LCORL: variants seen among roughly 807,000 people sequenced by gnomAD.
LCORL encodes the protein ligand-dependent nuclear receptor corepressor-like protein.
In LCORL, 41 loss-of-function variants were observed where a neutral mutation model predicts 141.8. The ratio of observed to expected loss-of-function variants is 0.29; its 90% CI spans 0.23 to 0.38. The LOEUF is 0.38. LCORL is among the 10% of genes least tolerant of loss of function. The probability of loss-of-function intolerance (pLI) is 1.00; values close to 1 mark genes in which losing one functional copy is unlikely to be tolerated. For missense variants in LCORL, 1,759 were observed against 2,035.0 expected, an observed-to-expected ratio of 0.86 and a Z score of 2.61; for synonymous variants, 618 against 694.1, an observed-to-expected ratio of 0.89 and a Z score of 1.72.
chr4:17,881,354 G>T (rs983492030), intron 6 of LCORL: 1 of 981,588 alleles, frequency 1.0e-6, no homozygotes, highest in Non-Finnish European at 1.2e-6. Context: ...AATCACTGGG[G>T]AGAAGGGGAA....
intron 7 of LCORL, among the ~76,000 whole-genome samples, chr4:17,857,292 G>A (rs1013371650): frequency 6.6e-6 from 1 of 152,040 alleles, no homozygotes; most frequent in Non-Finnish European, 1.5e-5. Context: ...GAGAGAAGGA[G>A]ACAGACAGAT....
intron 7 of LCORL, among the ~76,000 whole-genome samples, chr4:17,851,266 C>G (rs1478427931): frequency 1.3e-5 from 2 of 151,718 alleles, no homozygotes; most frequent in African/African-American, 4.8e-5. Flanking sequence ...TACCCTAAAA[C>G]TTAAAGTATA....
At chr4:17,880,109 T>C (rs1215098432) in intron 6 of LCORL, among the ~76,000 whole-genome samples, 6 of 151,034 alleles carry the variant, frequency 4.0e-5, no homozygotes, top group Non-Finnish European at 7.4e-5. Context: ...AATACTATGG[T>C]AGCCAGTAAT....
chr4:18,009,701 C>T (rs1450169926), intron 1 of LCORL, among the ~76,000 whole-genome samples: 1 of 152,072 alleles, frequency 6.6e-6, no homozygotes, highest in Non-Finnish European at 1.5e-5. Flanking sequence ...TAGATGTCCT[C>T]CTTGCTGGGA....
intron 7 of LCORL, among the ~76,000 whole-genome samples, chr4:17,857,022 C>A (rs1724439144): frequency 6.6e-6 from 1 of 152,212 alleles, no homozygotes. Context: ...GTACTCGGCA[C>A]ATAGAAACTG....
intron 7 of LCORL, among the ~76,000 whole-genome samples, chr4:17,865,323 A>G (rs1725514393): frequency 6.6e-6 from 1 of 152,206 alleles, no homozygotes; most frequent in African/African-American, 2.4e-5. Flanking sequence ...AGAAATCAGT[A>G]CCAGAAATAT....
At chr4:17,996,651 CTG>C (rs1720962778) in intron 1 of LCORL, among the ~76,000 whole-genome samples, 2 of 152,044 alleles carry the variant, frequency 1.3e-5, no homozygotes, top group Admixed American at 6.5e-5. Flanking sequence ...CTATATTCCT[CTG>C]TAAAATTTCC....
intron 1 of LCORL, among the ~76,000 whole-genome samples, chr4:17,992,928 G>A (rs1720274377): frequency 1.3e-5 from 2 of 152,190 alleles, no homozygotes; most frequent in South Asian, 4.1e-4. Flanking sequence ...ACAACACACA[G>A]ACTTTAGGGT....
intron 4 of LCORL, among the ~76,000 whole-genome samples, chr4:17,953,559 C>G (rs1711905383): frequency 6.6e-6 from 1 of 152,144 alleles, no homozygotes; most frequent in Admixed American, 6.5e-5. Flanking sequence ...AGAATATTAG[C>G]ACTTACTTGT....
At chr4:17,900,148 G>A (rs1469916080) in intron 5 of LCORL, among the ~76,000 whole-genome samples, 2 of 151,738 alleles carry the variant, frequency 1.3e-5, no homozygotes, top group African/African-American at 2.4e-5. Context: ...ATTTTAGATA[G>A]CATTTATGGA....
chr4:17,930,410 G>C (rs542411825), intron 4 of LCORL, among the ~76,000 whole-genome samples: 3 of 152,318 alleles, frequency 2.0e-5, no homozygotes, highest in African/African-American at 7.2e-5. Flanking sequence ...GTGTTAAATA[G>C]TAGAAGAGAC....
chr4:17,853,836 G>C (rs1724047004), intron 7 of LCORL, among the ~76,000 whole-genome samples: 1 of 152,014 alleles, frequency 6.6e-6, no homozygotes, highest in South Asian at 2.1e-4. Context: ...CTTCATGAAG[G>C]TCACTTATCC....
intron 4 of LCORL, among the ~76,000 whole-genome samples, chr4:17,955,448 G>A (rs1712408329): frequency 6.6e-6 from 1 of 152,146 alleles, no homozygotes; most frequent in Non-Finnish European, 1.5e-5. Flanking sequence ...CCTACTGTGT[G>A]CTAGTTCTTG....
At chr4:17,885,988 C>T (rs1299985365) in intron 6 of LCORL, 80 bp downstream of exon 6, 5 of 702,468 alleles carry the variant, frequency 7.1e-6, no homozygotes, top group Non-Finnish European at 1.1e-5. Flanking sequence ...TACGTCAATA[C>T]TACTCAGAAT....
At chr4:17,946,304 TATGG>T (rs1170370927) in intron 4 of LCORL, among the ~76,000 whole-genome samples, 1 of 152,022 alleles carries the variant, frequency 6.6e-6, no homozygotes, top group Non-Finnish European at 1.5e-5. Context: ...TATTACTGTA[TATGG>T]TATCCTAAAA....
chr4:17,856,583 CTT>C (rs749476279), intron 7 of LCORL, among the ~76,000 whole-genome samples: 18 of 152,218 alleles, frequency 1.2e-4, no homozygotes, highest in Admixed American at 5.2e-4. Context: ...AAAGCACCCT[CTT>C]TCATGAAACT....
rs573622951 is a variant in LCORL, at chr4:17,877,650, T to G, written c.1340A>C (p.Glu447Ala). 287 of 1,230,506 alleles carry G rather than the reference T, an allele frequency of 2.3e-4. 3 individuals are homozygous for G. In the South Asian group the frequency reaches 3.6e-3, roughly 16 times the overall value. 76.2% of individuals were successfully genotyped at this position (1,230,506 alleles called of 1,614,324 possible). ...TTTCAATTTTTCAAATCCTTCAGTT[T>G]CTATAGGTGATAATGGTGGGGGTGA... The change falls in exon 7 of 8, where the codon GAA becomes GCA. Residue 447 changes from glutamate (E) to alanine (A), a missense_variant. By Grantham distance (107) the Glu-to-Ala change is moderately radical. Around this residue, in one of 5 missense-constraint regions of LCORL, gnomAD observed 1,311 missense variants for 1,531.3 expected, o/e 0.86. Transcript: ENST00000635767.
intron 1 of LCORL, among the ~76,000 whole-genome samples, chr4:18,003,163 G>A (rs975309008): frequency 5.9e-5 from 9 of 152,160 alleles, no homozygotes; most frequent in African/African-American, 2.2e-4. Context: ...TGGTGCAGAA[G>A]TCATTAAAGG....
intron 7 of LCORL, among the ~76,000 whole-genome samples, chr4:17,860,658 CA>C (rs1724895818): frequency 6.6e-6 from 1 of 152,156 alleles, no homozygotes; most frequent in African/African-American, 2.4e-5. Context: ...AGCATTAATT[CA>C]AAAGTCCACA....
Sources: allele counts gnomAD v4.1 joint callset (sites outside exome capture counted in the v4.1 genomes callset), GRCh38; gene constraint gnomAD v4.1.1; regional missense constraint gnomAD v4.1.1; transcripts MANE v1.5; gene names NCBI Gene and HGNC (gene_info 2026-07-23, HGNC 2026-07-21).